The following PKD1L1 variants were observed in gnomAD, a reference collection of about 807,000 sequenced individuals.
PKD1L1 encodes polycystin 1 like 1, transient receptor potential channel interacting, also known as polycystin-1-like protein 1.
In PKD1L1, 236 loss-of-function variants were observed where a neutral mutation model predicts 323.4. That is an observed-to-expected ratio of 0.73 (90% confidence interval 0.66 to 0.81). The LOEUF (loss-of-function observed/expected upper bound fraction) is 0.81. PKD1L1 is among the 40% of genes least tolerant of loss of function. The pLI is 0.00. For synonymous variants in PKD1L1, 1,344 were observed against 1,335.0 expected (o/e 1.01, Z -0.15); for missense variants, 3,320 against 3,508.0 (o/e 0.95, Z 1.35).
chr7:47,866,643 T>C (rs775915887), intron 24 of PKD1L1, 29 bp from the exon 25 acceptor site: 7 of 1,558,810 alleles, frequency 4.5e-6, no homozygotes, highest in Non-Finnish European at 6.1e-6. Context: ...TTATCATTAC[T>C]GTTCCAACAC....
At position 47,836,990 on chromosome 7, in the gene PKD1L1, G is replaced by A. The variant is rs780143850; in HGVS notation, c.5874C>T (p.Thr1958=). The part of the protein sequence containing the change: ...SSRYLHTPRL[T]VSFSLLCVYA... ...AGACGCACAGCAGGGAGAAGGACACGGTGAGGCGCGGCGTGTGCAGGTAGC... is the reference window on the plus strand; with the variant it reads ...AGACGCACAGCAGGGAGAAGGACACAGTGAGGCGCGGCGTGTGCAGGTAGC... The change falls in exon 37 of 57, where the codon ACC becomes ACT. Residue 1958 remains threonine (T), a synonymous_variant. Coordinates refer to ENST00000289672, the MANE Select transcript of PKD1L1 (RefSeq NM_138295.5). 8.7e-6 allele frequency: 14 copies of A among 1,614,088 alleles called. No individual in the cohort carries two copies. Among genetic ancestry groups the A allele is most frequent in the Non-Finnish European group, 1.1e-5 (13 of 1,180,050 alleles).
intron 16 of PKD1L1, among the ~76,000 whole-genome samples, chr7:47,889,295 G>T (rs1786756604): frequency 6.6e-6 from 1 of 152,166 alleles, no homozygotes; most frequent in Admixed American, 6.5e-5. Context: ...AATAAATTCT[G>T]TAATTATCTC....
intron 44 of PKD1L1, among the ~76,000 whole-genome samples, chr7:47,828,932 T>G (rs1035101741): frequency 1.3e-5 from 2 of 152,206 alleles, no homozygotes; most frequent in African/African-American, 4.8e-5. Flanking sequence ...CCTGTGAATG[T>G]CTTTGCGGTG....
At chr7:47,928,717 A>G (rs1294882344) in intron 7 of PKD1L1, among the ~76,000 whole-genome samples, 1 of 152,212 alleles carries the variant, frequency 6.6e-6, no homozygotes, top group African/African-American at 2.4e-5. Context: ...GAATGGGTCC[A>G]ACGCTGGAAT....
intron 1 of PKD1L1, among the ~76,000 whole-genome samples, chr7:47,947,157 C>T (rs1374186957): frequency 6.6e-6 from 1 of 152,186 alleles, no homozygotes; most frequent in African/African-American, 2.4e-5. Flanking sequence ...AAGAAATTTC[C>T]AAGCATGAAT....
intron 14 of PKD1L1, among the ~76,000 whole-genome samples, chr7:47,895,486 AAAGT>A (rs527519450): frequency 1.3e-5 from 2 of 151,830 alleles, no homozygotes; most frequent in Non-Finnish European, 2.9e-5. Flanking sequence ...TAAGAAATTG[AAAGT>A]AAGTATTTGG....
intron 15 of PKD1L1, among the ~76,000 whole-genome samples, chr7:47,891,607 C>T (rs919588029): frequency 6.6e-6 from 1 of 152,234 alleles, no homozygotes; most frequent in Non-Finnish European, 1.5e-5. Flanking sequence ...CCAGAGCCTG[C>T]ATAAAGAGGT....
intron 26 of PKD1L1, among the ~76,000 whole-genome samples, chr7:47,864,243 G>C (rs1389430362): frequency 6.6e-6 from 1 of 152,196 alleles, no homozygotes; most frequent in African/African-American, 2.4e-5. Flanking sequence ...AATAAAGGGA[G>C]AAGCCTATGC....
intron 40 of PKD1L1, 109 bp downstream of exon 40, chr7:47,834,230 A>C: frequency 9.0e-7 from 1 of 1,108,152 alleles, no homozygotes; most frequent in South Asian, 1.3e-5. Context: ...TCTCACCTTG[A>C]GCCTGACCCA....
At position 47,815,404 on chromosome 7, in the gene PKD1L1, C is replaced by T. The variant is rs755944414; in HGVS notation, c.7019G>A (p.Trp2340Ter). The change falls in exon 47 of 57, where the codon TGG (tryptophan) becomes TAG (stop). Residue 2340 changes from tryptophan (W) to a stop codon, truncating the protein, a stop_gained. Transcript: ENST00000289672. LOFTEE classifies it high-confidence loss of function. ...GLRNIADWWD[W>*]SLTTLLDGLY... ...GCCATCCAGAAGTGTGGTCAGACTC[C>T]AGTCCCACCAGTCAGCGATGTTTCT... The T allele has an allele frequency of 6.2e-7, 1 of 1,614,118 alleles. No homozygotes were observed. The highest frequency in any genetic ancestry group is 8.5e-7 in the Non-Finnish European group (1 of 1,179,962).
Position 47,902,524 on chromosome 7 carries a change from A to G in PKD1L1, c.1932-13T>C. 1 of 1,612,540 alleles carries G rather than the reference A, an allele frequency of 6.2e-7. No individual in the cohort carries two copies. Among genetic ancestry groups the G allele is most frequent in the African/African-American group, 1.3e-5 (1 of 74,934 alleles). On this transcript the variant is annotated splice_polypyrimidine_tract_variant and intron_variant, in intron 12 of 56. Transcript: ENST00000289672. ...AAATTCTCCTTCCCTGGGACGGTGGAAAGCACAGAAATGAACAAATTTATG... is the reference window on the plus strand; with the variant it reads ...AAATTCTCCTTCCCTGGGACGGTGGGAAGCACAGAAATGAACAAATTTATG...
intron 13 of PKD1L1, among the ~76,000 whole-genome samples, chr7:47,899,816 T>C (rs895653826): frequency 8.6e-5 from 13 of 151,848 alleles, no homozygotes; most frequent in East Asian, 1.9e-4. Flanking sequence ...ATTAGCCAGG[T>C]GTGGTGGCGG....
intron 7 of PKD1L1, among the ~76,000 whole-genome samples, chr7:47,922,547 C>A (rs1787568392): frequency 6.6e-6 from 1 of 151,474 alleles, no homozygotes; most frequent in South Asian, 2.1e-4. Context: ...GTGAAGAGCG[C>A]CTCTGCCAGG....
intron 13 of PKD1L1, 114 bp from the exon 14 acceptor site, chr7:47,898,308 T>G: frequency 2.3e-6 from 2 of 853,150 alleles, no homozygotes; most frequent in South Asian, 3.5e-5. Flanking sequence ...GTTTGCATAG[T>G]GACAGAATGG....
At chr7:47,870,448 A>T (rs1481529251) in intron 24 of PKD1L1, among the ~76,000 whole-genome samples, 1 of 152,186 alleles carries the variant, frequency 6.6e-6, no homozygotes, top group Non-Finnish European at 1.5e-5. Context: ...GACCATATAG[A>T]AATAAAAAGG....
intron 45 of PKD1L1, among the ~76,000 whole-genome samples, chr7:47,824,735 G>C (rs2128733480): frequency 6.6e-6 from 1 of 152,220 alleles, no homozygotes; most frequent in Admixed American, 6.5e-5. Flanking sequence ...TCCTCTACCT[G>C]GCTTCCCTCC....
chr7:47,836,634 C>A (rs568356006), intron 37 of PKD1L1, among the ~76,000 whole-genome samples: 1 of 152,350 alleles, frequency 6.6e-6, no homozygotes, highest in South Asian at 2.1e-4. Flanking sequence ...TTCTCAAAGA[C>A]AACCGGCTGC....
chr7:47,833,186 T>C lies in PKD1L1; in HGVS notation c.6241A>G (p.Thr2081Ala), dbSNP rs1207057373. The stretch of plus-strand genomic sequence containing the variant: ...TGCAGCTTAGGGGCTGGACAAGCTG[T>C]GCCATTGTCACTTGCCGCCTTCCTT... ...AQRKAASDNG[T>A]ACPAPKLQVH... The change falls in exon 41 of 57, where the codon ACA becomes GCA. Residue 2081 changes from threonine to alanine, a missense_variant. Physicochemically the swap from Thr to Ala is moderately conservative, Grantham distance 58. Transcript: ENST00000289672. 1.9e-6 allele frequency: 3 copies of C among 1,612,808 alleles called. No homozygotes were observed. The highest frequency in any genetic ancestry group is 4.5e-5 in the East Asian group (2 of 44,890).
chr7:47,916,033 T>C (rs1333122757), intron 7 of PKD1L1, among the ~76,000 whole-genome samples: 1 of 152,176 alleles, frequency 6.6e-6, no homozygotes, highest in Non-Finnish European at 1.5e-5. Context: ...AAATAGAATA[T>C]ATATTTCCGA....
Sources: gnomAD v4.1 joint callset for allele counts (sites outside exome capture counted in the v4.1 genomes callset) on GRCh38, gnomAD v4.1.1 for gene constraint, MANE v1.5 for transcripts, NCBI Gene and HGNC (gene_info 2026-07-23, HGNC 2026-07-21) for gene names.